The following PYHIN1 variants were observed in gnomAD, a reference collection of about 807,000 sequenced individuals.
PYHIN1 encodes pyrin and HIN domain family member 1.
PYHIN1 carries 32 observed loss-of-function variants against 43.7 expected under a neutral mutation model. The observed-to-expected ratio is 0.73, with a 90% CI of 0.55 to 0.98. The LOEUF is 0.98. PYHIN1 is among the 50% of genes least tolerant of loss of function. PYHIN1 has a pLI of 0.00. For synonymous variants in PYHIN1, 205 were observed against 203.1 expected (o/e 1.01, Z -0.08); for missense variants, 588 against 589.5 (o/e 1.00, Z 0.03).
chr1:158,959,364 C>T (rs947368191), intron 7 of PYHIN1, among the ~76,000 whole-genome samples: 1 of 151,808 alleles, frequency 6.6e-6, no homozygotes, highest in Admixed American at 6.6e-5. Flanking sequence ...AATCAACAAA[C>T]CTGTGGGTAA....
At chr1:158,956,414 T>C (rs1322139995) in intron 7 of PYHIN1, among the ~76,000 whole-genome samples, 3 of 152,084 alleles carry the variant, frequency 2.0e-5, no homozygotes, top group African/African-American at 7.2e-5. Flanking sequence ...CATGATCAAG[T>C]GGGTTTCATC....
chr1:158,942,472 G>A (rs979897515), intron 5 of PYHIN1, 73 bp downstream of exon 5: 52 of 1,226,362 alleles, frequency 4.2e-5, no homozygotes, highest in Non-Finnish European at 5.7e-6. Context: ...TGTGCTAAAT[G>A]GAAGTTTGCA....
Position 158,973,690 on chromosome 1 carries a change from T to G in PYHIN1, c.1403T>G (p.Phe468Cys). Residue 468 changes from phenylalanine (F) to cysteine (C), a missense_variant, in exon 8 of 9, where the codon TTT becomes TGT. Physicochemically the swap from Phe to Cys is radical, Grantham distance 205 (BLOSUM62 -2). Coordinates refer to ENST00000368140, the MANE Select transcript of PYHIN1 (RefSeq NM_152501.5). ...HPGAQSSPANFRITSPTVAPP... is the reference protein window; with the variant it reads ...HPGAQSSPANCRITSPTVAPP... Reference sequence around the variant, plus strand: ...GGAGCACAGTCATCGCCTGCAAACTTTAGAATCACCTCACCAACTGTGGCC... The same window carrying G: ...GGAGCACAGTCATCGCCTGCAAACTGTAGAATCACCTCACCAACTGTGGCC... 6.2e-7 allele frequency: 1 copy of G among 1,613,166 alleles called. No homozygotes were observed.
At chr1:158,955,554 C>T (rs183441879) in intron 7 of PYHIN1, among the ~76,000 whole-genome samples, 1,530 of 150,524 alleles carry the variant, frequency 0.01, 24 homozygotes, top group African/African-American at 0.034. Flanking sequence ...TTGAAACCAA[C>T]GAGAACAAAG....
At chr1:158,962,574 C>G (rs953481556) in intron 7 of PYHIN1, among the ~76,000 whole-genome samples, 7 of 152,182 alleles carry the variant, frequency 4.6e-5, no homozygotes, top group Non-Finnish European at 1.0e-4. Context: ...GCATTTGTCT[C>G]AGGAGAAAAT....
intron 5 of PYHIN1, 37 bp from the exon 6 acceptor site, chr1:158,943,753 A>C: frequency 1.3e-6 from 2 of 1,517,048 alleles, no homozygotes; most frequent in Non-Finnish European, 1.8e-6. Flanking sequence ...GGTAGTTACT[A>C]TGTTCTCACA....
downstream of PYHIN1, among the ~76,000 whole-genome samples, chr1:158,981,361 C>T (rs112502617): frequency 3.3e-5 from 5 of 152,242 alleles, no homozygotes; most frequent in African/African-American, 1.2e-4. Flanking sequence ...GTCTCAGCTA[C>T]TTGGGAGCCT....
chr1:158,969,468 C>T (rs1429344386), intron 7 of PYHIN1, among the ~76,000 whole-genome samples: 3 of 151,986 alleles, frequency 2.0e-5, no homozygotes, highest in Non-Finnish European at 4.4e-5. Flanking sequence ...ATCACTAATA[C>T]ATGTGTACCA....
chr1:158,950,062 G>A (rs1215362866), intron 7 of PYHIN1, among the ~76,000 whole-genome samples: 1 of 152,136 alleles, frequency 6.6e-6, no homozygotes, highest in Non-Finnish European at 1.5e-5. Flanking sequence ...GACCCCATTG[G>A]GTGTAAATCT....
intron 7 of PYHIN1, among the ~76,000 whole-genome samples, chr1:158,965,970 A>G (rs1650609006): frequency 6.6e-6 from 1 of 151,980 alleles, no homozygotes; most frequent in Non-Finnish European, 1.5e-5. Context: ...GAAAAAATTA[A>G]TAAGAAAGAT....
At chr1:158,961,523 A>T (rs1650317726) in intron 7 of PYHIN1, among the ~76,000 whole-genome samples, 1 of 151,866 alleles carries the variant, frequency 6.6e-6, no homozygotes, top group African/African-American at 2.4e-5. Flanking sequence ...GACCATTGAG[A>T]TCCACCGAGA....
At chr1:158,945,178 T>C (rs890040066) in intron 7 of PYHIN1, 136 bp downstream of exon 7, 25 of 838,528 alleles carry the variant, frequency 3.0e-5, no homozygotes, top group Non-Finnish European at 4.2e-5. Context: ...CATGTATTTA[T>C]TGAATGCATA....
At chr1:158,965,690 T>C (rs1054404590) in intron 7 of PYHIN1, among the ~76,000 whole-genome samples, 3 of 152,144 alleles carry the variant, frequency 2.0e-5, no homozygotes, top group Non-Finnish European at 4.4e-5. Context: ...TTGAAACTAA[T>C]GAGAACAAAG....
intron 6 of PYHIN1, among the ~76,000 whole-genome samples, chr1:158,944,206 T>C (rs1649089986): frequency 6.6e-6 from 1 of 152,196 alleles, no homozygotes; most frequent in African/African-American, 2.4e-5. Flanking sequence ...AATATTAAAA[T>C]ATTTGAAGAA....
intron 7 of PYHIN1, among the ~76,000 whole-genome samples, chr1:158,963,907 T>G (rs912795997): frequency 3.3e-5 from 5 of 152,080 alleles, no homozygotes; most frequent in Admixed American, 3.3e-4. Context: ...ATGACAGAAA[T>G]AGAATTCAGA....
intron 7 of PYHIN1, among the ~76,000 whole-genome samples, chr1:158,946,393 A>G (rs890090872): frequency 6.6e-6 from 1 of 152,174 alleles, no homozygotes; most frequent in African/African-American, 2.4e-5. Flanking sequence ...AAAAAATGTT[A>G]AAAAACATTT....
chr1:158,933,797 G>A lies in PYHIN1; in HGVS notation c.-21+2021G>A, dbSNP rs568982285. ...CCTCCACCATGTTGGTATACTTTCTGTTTCTCTTTTCTTTGATCAGGGCTT... is the reference window on the plus strand; with the variant it reads ...CCTCCACCATGTTGGTATACTTTCTATTTCTCTTTTCTTTGATCAGGGCTT... On this transcript the variant is annotated intron_variant, in intron 1 of 8. Transcript: ENST00000368140. The surrounding 1 kb of genome is among the most constrained non-coding windows in gnomAD (Gnocchi z 6.3). Among the ~76,000 whole-genome samples the A allele has an allele frequency of 2.0e-5, 3 of 151,892 alleles. No homozygotes were observed. In the South Asian group the frequency reaches 6.2e-4, roughly 32 times the overall value.
intron 7 of PYHIN1, among the ~76,000 whole-genome samples, chr1:158,945,908 A>G (rs928686833): frequency 1.3e-5 from 2 of 152,132 alleles, no homozygotes; most frequent in Non-Finnish European, 2.9e-5. Context: ...CCCAATTGAC[A>G]TAGAAGAAAA....
chr1:158,952,724 G>A (rs1360444773), intron 7 of PYHIN1, among the ~76,000 whole-genome samples: 1 of 152,154 alleles, frequency 6.6e-6, no homozygotes, highest in Admixed American at 6.5e-5. Context: ...GCATAATGTT[G>A]TTTAAGATTT....
Sources: allele counts gnomAD v4.1 joint callset (sites outside exome capture counted in the v4.1 genomes callset), GRCh38; gene constraint gnomAD v4.1.1; non-coding constraint Gnocchi (gnomAD v3.1); transcripts MANE v1.5; gene names NCBI Gene and HGNC (gene_info 2026-07-23, HGNC 2026-07-21).